The following XNDC1N variants were observed in gnomAD, a reference collection of about 807,000 sequenced individuals.
XNDC1N encodes protein XNDC1N.
the XNDC1N span, among the ~76,000 whole-genome samples, chr11:71,910,992 A>T: frequency 6.6e-6 from 1 of 152,224 alleles, no homozygotes; most frequent in Non-Finnish European, 1.5e-5. Context: ...ATCGTATGTA[A>T]CAGAGAGAGA....
the XNDC1N span, among the ~76,000 whole-genome samples, chr11:71,887,624 G>T: frequency 7.2e-5 from 11 of 152,312 alleles, no homozygotes; most frequent in South Asian, 1.0e-3. Flanking sequence ...CCCCAGAGAA[G>T]CCCTTCAAGG....
At chr11:71,894,118 T>A in the XNDC1N span, 776 of 487,976 alleles carry the variant, frequency 1.6e-3, 3 homozygotes, top group Middle Eastern at 9.1e-3. Flanking sequence ...GATCCTTGTG[T>A]CTTACTATAA....
At chr11:71,876,183 G>A in the XNDC1N span, among the ~76,000 whole-genome samples, 370 of 152,260 alleles carry the variant, frequency 2.4e-3, no homozygotes, top group Middle Eastern at 0.01. Context: ...AAAATCTGGT[G>A]TCTTCCTGGA....
the XNDC1N span, chr11:71,917,023 T>C: frequency 5.5e-6 from 1 of 183,124 alleles, no homozygotes; most frequent in East Asian, 1.5e-4. Context: ...TTATTATTAT[T>C]ATTATTTGAG....
the XNDC1N span, among the ~76,000 whole-genome samples, chr11:71,909,587 T>C: frequency 1.4e-4 from 21 of 152,256 alleles, no homozygotes; most frequent in South Asian, 1.7e-3. Context: ...GTCAGAATGA[T>C]AGTCAGGGGT....
the XNDC1N span, chr11:71,878,464 GT>G: frequency 6.2e-7 from 1 of 1,611,666 alleles, no homozygotes; most frequent in Admixed American, 1.7e-5. Context: ...TGAGGGTCTT[GT>G]TTTTTGTCTT....
At chr11:71,885,238 C>A in the XNDC1N span, among the ~76,000 whole-genome samples, 2 of 151,826 alleles carry the variant, frequency 1.3e-5, no homozygotes, top group Non-Finnish European at 2.9e-5. Flanking sequence ...TCCCAAGTTG[C>A]AATTAGAAAC....
the XNDC1N span, among the ~76,000 whole-genome samples, chr11:71,911,132 C>T: frequency 6.6e-6 from 1 of 152,210 alleles, no homozygotes; most frequent in African/African-American, 2.4e-5. Flanking sequence ...CAGCAACTGC[C>T]CTGCAAGTAC....
At chr11:71,911,789 G>A in the XNDC1N span, among the ~76,000 whole-genome samples, 1 of 152,220 alleles carries the variant, frequency 6.6e-6, no homozygotes, top group African/African-American at 2.4e-5. Flanking sequence ...ATGCATTGCA[G>A]GGGACACCAG....
chr11:71,908,029 G>C, the XNDC1N span, among the ~76,000 whole-genome samples: 1 of 151,780 alleles, frequency 6.6e-6, no homozygotes, highest in Non-Finnish European at 1.5e-5. Flanking sequence ...TCACTGGCTG[G>C]TTGTACACCT....
chr11:71,911,944 C>T, the XNDC1N span, among the ~76,000 whole-genome samples: 1 of 152,118 alleles, frequency 6.6e-6, no homozygotes, highest in African/African-American at 2.4e-5. Context: ...GGACTTTCTG[C>T]AGGTAGAGGG....
At chr11:71,928,396 G>A in the XNDC1N span, 1 of 689,396 alleles carries the variant, frequency 1.5e-6, no homozygotes, top group Non-Finnish European at 2.6e-6. Context: ...AGCCACCGTT[G>A]CCTCGGATCT....
At chr11:71,899,351 G>T in the XNDC1N span, among the ~76,000 whole-genome samples, 10,975 of 152,148 alleles carry the variant, frequency 0.072, 632 homozygotes, top group African/African-American at 0.16. Context: ...CAGCAGAGGG[G>T]AAGGGCAGTT....
At chr11:71,924,808 C>T in the XNDC1N span, among the ~76,000 whole-genome samples, 1 of 152,174 alleles carries the variant, frequency 6.6e-6, no homozygotes, top group Non-Finnish European at 1.5e-5. Flanking sequence ...ATGCATCCAT[C>T]ACCTTACTTC....
the XNDC1N span, among the ~76,000 whole-genome samples, chr11:71,882,369 C>T: frequency 1.3e-5 from 2 of 152,012 alleles, no homozygotes; most frequent in African/African-American, 4.8e-5. Flanking sequence ...CAATCTCGTG[C>T]CTCAGCCAGC....
the XNDC1N span, among the ~76,000 whole-genome samples, chr11:71,882,264 C>CT: frequency 3.5e-4 from 52 of 148,436 alleles, no homozygotes; most frequent in East Asian, 2.8e-3. Context: ...GCAAAATTAT[C>CT]TTTTTTTTTT....
the XNDC1N span, among the ~76,000 whole-genome samples, chr11:71,898,114 G>A: frequency 1.3e-5 from 2 of 152,012 alleles, no homozygotes; most frequent in African/African-American, 4.8e-5. Context: ...AACCCAGGAG[G>A]CGGAGGTTGG....
At chr11:71,907,942 A>AC in the XNDC1N span, among the ~76,000 whole-genome samples, 1 of 152,174 alleles carries the variant, frequency 6.6e-6, no homozygotes, top group Non-Finnish European at 1.5e-5. Context: ...GAGCAAAATC[A>AC]CGGGTGGATG....
At chr11:71,893,004 C>G in the XNDC1N span, among the ~76,000 whole-genome samples, 1 of 152,206 alleles carries the variant, frequency 6.6e-6, no homozygotes, top group Non-Finnish European at 1.5e-5. Context: ...GGGGTCCTAG[C>G]TCTTGTGTCG....
Sources: allele counts gnomAD v4.1 joint callset (sites outside exome capture counted in the v4.1 genomes callset), GRCh38; gene constraint gnomAD v4.1.1; transcripts MANE v1.5; gene names NCBI Gene and HGNC (gene_info 2026-07-23, HGNC 2026-07-21).